Variants in RGS6 observed in about 807,000 individuals in gnomAD.
The protein encoded by RGS6 is regulator of G-protein signaling 6.
RGS6 carries 30 observed loss-of-function variants against 78.5 expected under a neutral mutation model. That is an observed-to-expected ratio of 0.38 (90% CI 0.29 to 0.52). The LOEUF (loss-of-function observed/expected upper bound fraction) is 0.52. RGS6 is among the 20% of genes least tolerant of loss of function. The probability of loss-of-function intolerance (pLI) is 0.85; values close to 1 mark genes in which losing one functional copy is unlikely to be tolerated. For synonymous variants in RGS6, 206 were observed against 206.0 expected (o/e 1.00, Z 0.00); for missense variants, 495 against 609.7 (o/e 0.81, Z 1.98).
Position 72,470,246 on chromosome 14 carries a change from T to C in RGS6, c.536+163T>C, listed in dbSNP as rs8012037. On this transcript the variant is annotated intron_variant, in intron 8 of 17. Transcript: ENST00000553525. The stretch of plus-strand genomic sequence containing the variant: ...AATTAAAGTCAGGATGGATAAGTTT[T>C]GTCTTCATAATCAATGCTTCTCTAA... 0.7 allele frequency among the ~76,000 whole-genome samples: 106,729 copies of C among 152,030 alleles called. 37,822 individuals carry two copies. Among genetic ancestry groups the C allele is most frequent in the East Asian group, 0.97 (5,046 of 5,176 alleles).
chr14:72,361,037 T>C (rs1162636933), intron 3 of RGS6, among the ~76,000 whole-genome samples: 1 of 151,800 alleles, frequency 6.6e-6, no homozygotes, highest in African/African-American at 2.4e-5. Flanking sequence ...ATTGTAAGTT[T>C]CCTGAGGTCT....
chr14:72,140,438 A>G (rs914517425), intron 2 of RGS6, among the ~76,000 whole-genome samples: 7 of 152,170 alleles, frequency 4.6e-5, no homozygotes, highest in African/African-American at 1.4e-4. Context: ...TTGACACAAG[A>G]TGTTAATGGG....
At chr14:72,095,508 T>G (rs2095382440) in intron 2 of RGS6, among the ~76,000 whole-genome samples, 1 of 152,184 alleles carries the variant, frequency 6.6e-6, no homozygotes, top group South Asian at 2.1e-4. Context: ...AGCAAAAGTT[T>G]CATCGGAACT....
chr14:72,284,011 T>A (rs2062037690), intron 2 of RGS6, among the ~76,000 whole-genome samples: 1 of 152,182 alleles, frequency 6.6e-6, no homozygotes, highest in African/African-American at 2.4e-5. Flanking sequence ...ACTGGTGGCA[T>A]TTTGTCCTTG....
chr14:72,400,893 CAGG>C (rs2092312953), intron 3 of RGS6, among the ~76,000 whole-genome samples: 1 of 151,852 alleles, frequency 6.6e-6, no homozygotes, highest in African/African-American at 2.4e-5. Flanking sequence ...GGTTCCCAAG[CAGG>C]AGGAGTGAGG....
intron 1 of RGS6, among the ~76,000 whole-genome samples, chr14:71,936,608 A>T (rs1346271806): frequency 1.3e-5 from 2 of 152,234 alleles, no homozygotes; most frequent in Admixed American, 1.3e-4. Context: ...AAAATTGTGC[A>T]TAACATAATA....
At chr14:72,278,524 T>C (rs898520499) in intron 2 of RGS6, among the ~76,000 whole-genome samples, 21 of 152,332 alleles carry the variant, frequency 1.4e-4, no homozygotes, top group African/African-American at 4.8e-4. Flanking sequence ...GCCAACAATA[T>C]GTTGCATGAT....
intron 3 of RGS6, among the ~76,000 whole-genome samples, chr14:72,363,418 A>G (rs1171550385): frequency 6.6e-6 from 1 of 152,228 alleles, no homozygotes; most frequent in Non-Finnish European, 1.5e-5. Context: ...ACCCCATGAG[A>G]TAGAAACCGT....
intron 17 of RGS6, among the ~76,000 whole-genome samples, chr14:72,546,339 AAAC>A (rs1265525073): frequency 6.6e-6 from 1 of 152,234 alleles, no homozygotes; most frequent in African/African-American, 2.4e-5. Flanking sequence ...ACAAAATGTA[AAAC>A]AACAGACTCA....
chr14:72,065,226 CTATTT>C (rs915641144), intron 2 of RGS6, among the ~76,000 whole-genome samples: 6 of 152,096 alleles, frequency 3.9e-5, no homozygotes, highest in Admixed American at 3.9e-4. Context: ...TCTCATTTTC[CTATTT>C]TATTTTGTTC....
chr14:72,547,349 G>A (rs1245269118), intron 17 of RGS6: 2 of 1,535,176 alleles, frequency 1.3e-6, no homozygotes, highest in Non-Finnish European at 1.7e-6. Flanking sequence ...TCAAGTCTGA[G>A]GACTTCAAAG....
intron 3 of RGS6, among the ~76,000 whole-genome samples, chr14:72,395,012 G>A (rs563768694): frequency 1.3e-5 from 2 of 151,860 alleles, no homozygotes; most frequent in Non-Finnish European, 2.9e-5. Flanking sequence ...TGGGGTCCCT[G>A]ACTTCCTGCA....
At chr14:72,263,364 G>T (rs906480780) in intron 2 of RGS6, among the ~76,000 whole-genome samples, 5 of 152,048 alleles carry the variant, frequency 3.3e-5, no homozygotes, top group African/African-American at 1.2e-4. Context: ...AGACTCTCCG[G>T]ACGACCCAGC....
chr14:72,530,576 A>G (rs1287538048), intron 15 of RGS6, among the ~76,000 whole-genome samples: 1 of 152,132 alleles, frequency 6.6e-6, no homozygotes, highest in African/African-American at 2.4e-5. Context: ...TTGTAATCCC[A>G]GCTACTTGGG....
chr14:71,958,790 C>G (rs571230948), intron 1 of RGS6, among the ~76,000 whole-genome samples: 16 of 152,260 alleles, frequency 1.1e-4, no homozygotes, highest in African/African-American at 3.6e-4. Flanking sequence ...TACAAATCAT[C>G]TGGAAAATGG....
rs1272453592 is a variant in RGS6, at chr14:72,065,930, C to T, written c.84+101055C>T. ...GATGCTATCCCTCCCCCCCTCCCCC[C>T]AGCCCACAACAGTCCCCAGAGTGTG... On this transcript the variant is annotated intron_variant, in intron 2 of 17. Coordinates refer to ENST00000553525, the MANE Select transcript of RGS6 (RefSeq NM_001204424.2). 2.0e-5 allele frequency among the ~76,000 whole-genome samples: 3 copies of T among 150,178 alleles called. No individual in the cohort carries two copies. The Admixed American group carries it at 2.0e-4, about 10-fold the overall frequency.
At chr14:72,558,257 A>G (rs928080745) in intron 17 of RGS6, among the ~76,000 whole-genome samples, 5 of 152,166 alleles carry the variant, frequency 3.3e-5, no homozygotes. Flanking sequence ...CAGATCAGCA[A>G]AAGAATCTCA....
intron 2 of RGS6, among the ~76,000 whole-genome samples, chr14:72,225,620 C>G (rs117233019): frequency 6.6e-6 from 1 of 152,236 alleles, no homozygotes; most frequent in South Asian, 2.1e-4. Flanking sequence ...TGAGCCACCA[C>G]GCCCAGCCAA....
intron 2 of RGS6, among the ~76,000 whole-genome samples, chr14:72,028,138 G>A (rs2090228737): frequency 6.6e-6 from 1 of 152,142 alleles, no homozygotes; most frequent in African/African-American, 2.4e-5. Flanking sequence ...TTGCCCTTCT[G>A]AAAACACGAA....
Sources: gnomAD v4.1 joint callset for allele counts (sites outside exome capture counted in the v4.1 genomes callset) on GRCh38, gnomAD v4.1.1 for gene constraint, MANE v1.5 for transcripts, NCBI Gene and HGNC (gene_info 2026-07-23, HGNC 2026-07-21) for gene names.